The following GPHN variants were observed in gnomAD, a reference collection of about 807,000 sequenced individuals.
GPHN encodes the protein gephyrin.
GPHN carries 17 observed loss-of-function variants against 95.5 expected under a neutral mutation model. The ratio of observed to expected loss-of-function variants is 0.18; its 90% CI spans 0.12 to 0.27. GPHN has a LOEUF of 0.27. Ranked by LOEUF, GPHN falls within the 10% of genes least tolerant of loss-of-function variation. The pLI, the probability that GPHN is intolerant of heterozygous loss-of-function variation, is 1.00. For synonymous variants in GPHN, 320 were observed against 322.5 expected (o/e 0.99, Z 0.08); for missense variants, 660 against 978.1 (o/e 0.67, Z 4.34).
At chr14:66,944,526 C>T (rs1460140153) in intron 8 of GPHN, among the ~76,000 whole-genome samples, 2 of 152,182 alleles carry the variant, frequency 1.3e-5, no homozygotes, top group Non-Finnish European at 2.9e-5. Flanking sequence ...ACAAGTAAAA[C>T]TCTACAGAGA....
the GPHN span, among the ~76,000 whole-genome samples, chr14:67,468,836 A>C: frequency 6.6e-6 from 1 of 152,120 alleles, no homozygotes; most frequent in African/African-American, 2.4e-5. Context: ...CGGAGGTTGC[A>C]GTGAGCTGGG....
the GPHN span, among the ~76,000 whole-genome samples, chr14:67,264,583 T>C: frequency 6.6e-6 from 1 of 152,334 alleles, no homozygotes; most frequent in African/African-American, 2.4e-5. Flanking sequence ...CCATTTTCAT[T>C]GTTCTGCATG....
chr14:66,803,168 G>T (rs973007482), intron 3 of GPHN, among the ~76,000 whole-genome samples: 2 of 152,154 alleles, frequency 1.3e-5, no homozygotes, highest in Admixed American at 1.3e-4. Context: ...GGGATGGTCA[G>T]CTGAGTTTTA....
At chr14:67,490,073 T>A in the GPHN span, among the ~76,000 whole-genome samples, 1,067 of 152,274 alleles carry the variant, frequency 7.0e-3, 11 homozygotes, top group Non-Finnish European at 8.1e-3. Context: ...TTCTGCTGGA[T>A]GGATGGACAG....
At chr14:67,383,478 G>C in the GPHN span, 1 of 1,608,858 alleles carries the variant, frequency 6.2e-7, no homozygotes, top group Non-Finnish European at 8.5e-7. Flanking sequence ...GGAACACAGA[G>C]CAGCGCTTCC....
intron 1 of GPHN, among the ~76,000 whole-genome samples, chr14:66,642,727 A>G (rs1249367305): frequency 2.6e-5 from 4 of 152,096 alleles, no homozygotes; most frequent in Admixed American, 6.5e-5. Flanking sequence ...GTCTGCATAT[A>G]TGCTTCTACC....
At chr14:66,625,082 T>TTTC (rs933896471) in intron 1 of GPHN, among the ~76,000 whole-genome samples, 1 of 152,126 alleles carries the variant, frequency 6.6e-6, no homozygotes, top group Non-Finnish European at 1.5e-5. Flanking sequence ...TGTCTTTTTT[T>TTTC]TTCTTCTTCT....
At chr14:67,635,805 T>C in the GPHN span, among the ~76,000 whole-genome samples, 1 of 152,122 alleles carries the variant, frequency 6.6e-6, no homozygotes, top group Non-Finnish European at 1.5e-5. Context: ...TGAGCCAAGA[T>C]CACGCCACTT....
the GPHN span, chr14:67,387,253 A>AAC: frequency 7.0e-7 from 1 of 1,438,080 alleles, no homozygotes; most frequent in Non-Finnish European, 9.5e-7. Flanking sequence ...CAAAAGTCTT[A>AAC]ACACTCCCAT....
At chr14:67,349,065 C>A in the GPHN span, 1 of 1,614,116 alleles carries the variant, frequency 6.2e-7, no homozygotes, top group Admixed American at 1.7e-5. Context: ...TCGCTCGAAT[C>A]TTCACTTGCG....
the GPHN span, chr14:67,611,286 A>T: frequency 1.4e-5 from 2 of 144,142 alleles, no homozygotes; most frequent in African/African-American, 5.4e-5. Flanking sequence ...CTTGAGATGG[A>T]GTCTCACTCT....
At chr14:67,146,801 A>C (rs557882465) in intron 18 of GPHN, among the ~76,000 whole-genome samples, 2 of 152,384 alleles carry the variant, frequency 1.3e-5, no homozygotes, top group East Asian at 3.9e-4. Flanking sequence ...TGGGAGCCCA[A>C]GGTGGGCAGA....
At chr14:67,476,083 A>G in the GPHN span, among the ~76,000 whole-genome samples, 1 of 152,336 alleles carries the variant, frequency 6.6e-6, no homozygotes, top group East Asian at 1.9e-4. Context: ...CCAGCTGCTA[A>G]TGGCTTCACA....
chr14:66,929,156 A>G (rs2153565112), intron 8 of GPHN, among the ~76,000 whole-genome samples: 1 of 151,560 alleles, frequency 6.6e-6, no homozygotes, highest in Non-Finnish European at 1.5e-5. Flanking sequence ...CCAAGGTTCA[A>G]GCGATTCTCC....
chr14:67,544,533 C>T, the GPHN span, among the ~76,000 whole-genome samples: 1 of 152,062 alleles, frequency 6.6e-6, no homozygotes, highest in Non-Finnish European at 1.5e-5. Context: ...ACACAAAAAA[C>T]AATTAGACTA....
intron 2 of GPHN, among the ~76,000 whole-genome samples, chr14:66,770,090 G>A (rs2059111889): frequency 6.6e-6 from 1 of 152,112 alleles, no homozygotes; most frequent in South Asian, 2.1e-4. Flanking sequence ...GTGATGTTGA[G>A]CTTTTTCTCA....
At chr14:66,714,730 T>C (rs2070001897) in intron 2 of GPHN, among the ~76,000 whole-genome samples, 1 of 152,222 alleles carries the variant, frequency 6.6e-6, no homozygotes, top group Admixed American at 6.5e-5. Context: ...TCTATTGAGA[T>C]GATAATGTGA....
At chr14:67,690,155 G>T in the GPHN span, 1 of 1,494,248 alleles carries the variant, frequency 6.7e-7, no homozygotes, top group Non-Finnish European at 9.3e-7. Flanking sequence ...CCATTCCTGT[G>T]GCTTTTACCT....
At chr14:67,180,758 T>C (rs1191290955) in intron 22 of GPHN, 46 bp from the exon 23 acceptor site, 1 of 1,599,166 alleles carries the variant, frequency 6.3e-7, no homozygotes, top group East Asian at 2.2e-5. Flanking sequence ...CCCAACTGTA[T>C]ACGCCATGAT....
Sources: gnomAD v4.1 joint callset for allele counts (sites outside exome capture counted in the v4.1 genomes callset) on GRCh38, gnomAD v4.1.1 for gene constraint, MANE v1.5 for transcripts, NCBI Gene and HGNC (gene_info 2026-07-23, HGNC 2026-07-21) for gene names.